Variants in EHD1 observed in about 807,000 individuals in gnomAD.
EHD1 encodes the protein EH domain-containing protein 1.
EHD1 carries 19 observed loss-of-function variants against 39.0 expected under a neutral mutation model. The observed-to-expected ratio is 0.49, with a 90% CI of 0.34 to 0.72. EHD1 has a LOEUF of 0.72. EHD1 is among the 30% of genes least tolerant of loss of function. The pLI is 0.01. For missense variants in EHD1, 542 were observed against 751.5 expected, an observed-to-expected ratio of 0.72 and a Z score of 3.26; for synonymous variants, 323 against 331.2, an observed-to-expected ratio of 0.98 and a Z score of 0.27.
At chr11:64,864,131 A>G (rs1943743877) in intron 2 of EHD1, among the ~76,000 whole-genome samples, 1 of 152,220 alleles carries the variant, frequency 6.6e-6, no homozygotes, top group South Asian at 2.1e-4. Context: ...CCCCAGCTCA[A>G]CAGGAAATAG....
intron 1 of EHD1, among the ~76,000 whole-genome samples, chr11:64,876,524 C>T (rs117450916): frequency 6.6e-6 from 1 of 152,342 alleles, no homozygotes; most frequent in Non-Finnish European, 1.5e-5. Flanking sequence ...AAAGCAATCT[C>T]GAATTGCTCT....
At chr11:64,871,941 G>A (rs1943835036) in intron 2 of EHD1, among the ~76,000 whole-genome samples, 1 of 152,242 alleles carries the variant, frequency 6.6e-6, no homozygotes, top group South Asian at 2.1e-4. Flanking sequence ...ACGCCATGCT[G>A]TGTCTGCAGA....
At chr11:64,879,607 C>G (rs755506251), upstream of EHD1, 1 of 1,551,120 alleles carries the variant, frequency 6.4e-7, no homozygotes, top group South Asian at 1.2e-5. Context: ...CCTACCTCCC[C>G]TTACCAGTTC....
chr11:64,864,683 T>C (rs1367400739), intron 2 of EHD1, among the ~76,000 whole-genome samples: 1 of 152,204 alleles, frequency 6.6e-6, no homozygotes, highest in Non-Finnish European at 1.5e-5. Context: ...TCTCCCCTTG[T>C]CAAATCATTT....
At chr11:64,879,661 C>G (rs927813521), upstream of EHD1, 21 of 1,550,826 alleles carry the variant, frequency 1.4e-5, no homozygotes, top group Non-Finnish European at 1.5e-5. Context: ...CCTCCCCGGC[C>G]ACACACAGAC....
chr11:64,857,976 C>T (rs1943671270), intron 3 of EHD1, among the ~76,000 whole-genome samples: 1 of 151,868 alleles, frequency 6.6e-6, no homozygotes, highest in East Asian at 1.9e-4. Context: ...GACAGTTCCC[C>T]AGCCACGCTC....
chr11:64,866,216 G>A (rs1943765096), intron 2 of EHD1, among the ~76,000 whole-genome samples: 1 of 152,164 alleles, frequency 6.6e-6, no homozygotes, highest in Non-Finnish European at 1.5e-5. Context: ...CAACATGGAT[G>A]GAGCTGGAGA....
In EHD1 at chr11:64,853,972, G is replaced by A. The variant is rs776064350; in HGVS notation, c.*361C>T. On this transcript the variant is annotated 3_prime_UTR_variant, in exon 5 of 5. Transcript: ENST00000320631. ...TCAGCCTAGCAGCTGCCAAAAGGGC[G>A]ACCTGGCTCCCCCACGGTCGCAGTC... 80 of 284,538 alleles carry A rather than the reference G, an allele frequency of 2.8e-4. No individual in the cohort carries two copies. The highest frequency in any genetic ancestry group is 1.5e-3 in the African/African-American group (70 of 46,860). 17.6% of individuals were successfully genotyped at this position (284,538 alleles called of 1,614,324 possible). A position where few individuals can be genotyped will look rare whatever the true frequency, so the allele number is the denominator to read the frequency against.
intron 2 of EHD1, among the ~76,000 whole-genome samples, chr11:64,870,025 G>A (rs1302704787): frequency 6.6e-6 from 1 of 152,202 alleles, no homozygotes; most frequent in East Asian, 1.9e-4. Context: ...GGGCAAACGA[G>A]AGCCCAGGCC....
chr11:64,878,636 G>A (rs1178095059), upstream of EHD1: 1 of 1,407,692 alleles, frequency 7.1e-7, no homozygotes. Context: ...CGCACCCCTC[G>A]CGGAGCGGCC....
Position 64,865,406 on chromosome 11 carries a change from C to A in EHD1, c.503-5070G>T, listed in dbSNP as rs1176850013. The stretch of plus-strand genomic sequence containing the variant: ...AAGTACAGAACAGGGCTTGCCAGCA[C>A]CCCCGGCACTGCCCAAGGCAACAAG... On this transcript the variant is annotated intron_variant, in intron 2 of 4. Transcript: ENST00000320631. Among the ~76,000 whole-genome samples the A allele has an allele frequency of 7.2e-5, 11 of 152,378 alleles. No homozygotes were observed. In the East Asian group the frequency reaches 1.9e-3, roughly 27 times the overall value.
chr11:64,871,577 T>A (rs1943831332), intron 2 of EHD1, among the ~76,000 whole-genome samples: 1 of 152,232 alleles, frequency 6.6e-6, no homozygotes, highest in African/African-American at 2.4e-5. Flanking sequence ...TCTAGGGCTA[T>A]GGAGGAAAAG....
chr11:64,854,882 G>T, intron 4 of EHD1, 25 bp from the exon 5 acceptor site: 1 of 1,588,108 alleles, frequency 6.3e-7, no homozygotes, highest in Non-Finnish European at 8.5e-7. Context: ...GGAAGGACAA[G>T]GGCTGGGAAG....
chr11:64,870,782 C>T (rs1184480622), intron 2 of EHD1, among the ~76,000 whole-genome samples: 1 of 152,190 alleles, frequency 6.6e-6, no homozygotes, highest in East Asian at 1.9e-4. Context: ...GACCCAGCTG[C>T]CCTTTGGAAT....
At position 64,854,774 on chromosome 11, in the gene EHD1, G is replaced by T; in HGVS notation, c.1164C>A (p.Asn388Lys). The T allele has an allele frequency of 1.9e-6, 3 of 1,607,730 alleles. No individual in the cohort carries two copies. Among genetic ancestry groups the T allele is most frequent in the Non-Finnish European group, 2.5e-6 (3 of 1,179,986 alleles). Reference sequence around the variant, plus strand: ...CCATCACCATCAGCCGCGCGATGTCGTTGGCCAGCATGTCATCCACCGTGT... The same window carrying T: ...CCATCACCATCAGCCGCGCGATGTCTTTGGCCAGCATGTCATCCACCGTGT... ...LLDTVDDMLA[N>K]DIARLMVMVR... The change falls in exon 5 of 5, where the codon AAC becomes AAA. Residue 388 changes from asparagine to lysine, a missense_variant. By Grantham distance (94) the Asn-to-Lys change is moderately conservative (BLOSUM62 0). Coordinates refer to ENST00000320631, the MANE Select transcript of EHD1 (RefSeq NM_006795.4).
chr11:64,878,929 G>T, upstream of EHD1: 3 of 1,016,704 alleles, frequency 3.0e-6, no homozygotes, highest in African/African-American at 1.7e-5. Flanking sequence ...TCTGGGCCGC[G>T]CGCCTTCCGG....
At position 64,868,745 on chromosome 11, in the gene EHD1, C is replaced by T. The variant is rs1434006483; in HGVS notation, c.502+5676G>A. On this transcript the variant is annotated intron_variant, in intron 2 of 4. Transcript: ENST00000320631. The surrounding 1 kb of genome is among the most constrained non-coding windows in gnomAD (Gnocchi z 4.2). ...GGCAGCCCAGGAATGCTTTGTACAG[C>T]AGGGCACCTGAGGAGGGTGGACTTC... is the stretch of plus-strand genomic sequence containing the variant. 1.3e-5 allele frequency among the ~76,000 whole-genome samples: 2 copies of T among 152,188 alleles called. No individual in the cohort carries two copies. The highest frequency in any genetic ancestry group is 2.9e-5 in the Non-Finnish European group (2 of 68,026).
At chr11:64,871,369 G>A (rs964179200) in intron 2 of EHD1, among the ~76,000 whole-genome samples, 2 of 152,192 alleles carry the variant, frequency 1.3e-5, no homozygotes, top group Non-Finnish European at 2.9e-5. Flanking sequence ...GGCCACACGG[G>A]CCTTTCCATG....
intron 3 of EHD1, among the ~76,000 whole-genome samples, chr11:64,858,749 G>A (rs932795434): frequency 1.3e-5 from 2 of 152,224 alleles, no homozygotes; most frequent in African/African-American, 4.8e-5. Flanking sequence ...GGAAGGGCCC[G>A]CTGGTGGCAT....
Sources: gnomAD v4.1 joint callset for allele counts (sites outside exome capture counted in the v4.1 genomes callset) on GRCh38, gnomAD v4.1.1 for gene constraint, Gnocchi (gnomAD v3.1) non-coding constraint, MANE v1.5 for transcripts, NCBI Gene and HGNC (gene_info 2026-07-23, HGNC 2026-07-21) for gene names.